ZFAT: variants seen among roughly 807,000 people sequenced by gnomAD.
ZFAT encodes zinc finger and AT-hook domain containing.
A neutral mutation model predicts 117.7 loss-of-function variants in ZFAT; 64 were observed. That is an observed-to-expected ratio of 0.54 (90% CI 0.44 to 0.67). ZFAT has a LOEUF of 0.67. Ranked by LOEUF, ZFAT falls within the 30% of genes least tolerant of loss-of-function variation. The probability of loss-of-function intolerance (pLI) is 0.00; values close to 1 mark genes in which losing one functional copy is unlikely to be tolerated. For missense variants in ZFAT, 1,433 were observed against 1,584.5 expected, an observed-to-expected ratio of 0.90 and a Z score of 1.62; for synonymous variants, 679 against 615.0, an observed-to-expected ratio of 1.10 and a Z score of -1.54.
intron 3 of ZFAT, among the ~76,000 whole-genome samples, chr8:134,626,386 T>C (rs772777186): frequency 1.3e-4 from 20 of 152,240 alleles, no homozygotes; most frequent in Non-Finnish European, 2.4e-4. Flanking sequence ...AGGTACTCTC[T>C]AGCTGGGCTT....
At chr8:134,826,630 C>T in the ZFAT span, among the ~76,000 whole-genome samples, 3 of 152,066 alleles carry the variant, frequency 2.0e-5, no homozygotes, top group Non-Finnish European at 4.4e-5. Flanking sequence ...TTTAACAATA[C>T]AGCAAATAAA....
intron 3 of ZFAT, among the ~76,000 whole-genome samples, chr8:134,630,389 A>G (rs1545240): frequency 6.6e-6 from 1 of 152,144 alleles, no homozygotes; most frequent in East Asian, 1.9e-4. Context: ...TCACTCAAAA[A>G]CATTTTCAGT....
intron 15 of ZFAT, among the ~76,000 whole-genome samples, chr8:134,494,962 A>G (rs756327069): frequency 6.6e-6 from 1 of 152,166 alleles, no homozygotes; most frequent in East Asian, 1.9e-4. Flanking sequence ...TCAAATCCAC[A>G]TGACCCACGT....
chr8:134,634,741 C>T (rs569418266), intron 3 of ZFAT, among the ~76,000 whole-genome samples: 4 of 152,250 alleles, frequency 2.6e-5, no homozygotes, highest in South Asian at 2.1e-4. Flanking sequence ...CAGAGCCACA[C>T]GGAAAGATGG....
At chr8:134,632,945 A>T (rs1239522412) in intron 3 of ZFAT, among the ~76,000 whole-genome samples, 1 of 152,206 alleles carries the variant, frequency 6.6e-6, no homozygotes, top group Non-Finnish European at 1.5e-5. Context: ...CACAAAAGAG[A>T]CTGGCAAGGA....
At chr8:134,708,285 A>G (rs1813860675) in intron 1 of ZFAT, among the ~76,000 whole-genome samples, 1 of 152,222 alleles carries the variant, frequency 6.6e-6, no homozygotes, top group African/African-American at 2.4e-5. Context: ...TGAATACAGT[A>G]ATAACGTACA....
At chr8:134,755,409 CAA>C in the ZFAT span, among the ~76,000 whole-genome samples, 42 of 55,252 alleles carry the variant, frequency 7.6e-4, no homozygotes, top group Admixed American at 7.8e-4. Flanking sequence ...GACTCTGTCT[CAA>C]AAAAAAAAAA....
At chr8:134,662,254 A>G (rs1831970709) in intron 1 of ZFAT, among the ~76,000 whole-genome samples, 1 of 152,126 alleles carries the variant, frequency 6.6e-6, no homozygotes, top group Non-Finnish European at 1.5e-5. Flanking sequence ...ACCACCTCCC[A>G]AAGGTCCCAC....
chr8:134,506,942 A>T (rs1819461077), intron 15 of ZFAT, among the ~76,000 whole-genome samples: 1 of 152,248 alleles, frequency 6.6e-6, no homozygotes, highest in East Asian at 1.9e-4. Context: ...CTCTCCGGCA[A>T]TACTGATTTG....
chr8:134,825,555 T>G, the ZFAT span, among the ~76,000 whole-genome samples: 1 of 152,192 alleles, frequency 6.6e-6, no homozygotes, highest in Non-Finnish European at 1.5e-5. Flanking sequence ...ACAACAACCC[T>G]GGAGCACTCT....
At chr8:134,775,081 G>A in the ZFAT span, among the ~76,000 whole-genome samples, 5 of 152,154 alleles carry the variant, frequency 3.3e-5, no homozygotes, top group Admixed American at 6.5e-5. Context: ...TCGTGCCACC[G>A]CACTCCAGCC....
intron 1 of ZFAT, chr8:134,696,678 T>A: frequency 1.1e-6 from 1 of 925,228 alleles, no homozygotes; most frequent in Non-Finnish European, 1.3e-6. Flanking sequence ...GAGGCTCTGA[T>A]TGGCCCAGAA....
At chr8:134,759,453 G>T in the ZFAT span, among the ~76,000 whole-genome samples, 2 of 152,030 alleles carry the variant, frequency 1.3e-5, no homozygotes, top group Admixed American at 1.3e-4. Context: ...CTATTATCTG[G>T]GACATCAAAA....
Position 134,601,506 on chromosome 8 carries a change from A to T in ZFAT, c.2213T>A (p.Val738Asp), listed in dbSNP as rs370558832. Residue 738 changes from valine to aspartate, a missense_variant, in exon 6 of 16, where the codon GTT becomes GAT. Val to Asp is a radical substitution (Grantham distance 152). Transcript: ENST00000377838. ...GTATTCACACTCCAGGTCTCCATAA[A>T]CCTTCCGGATCCGCTCACACAAGCT... Reference protein sequence around the residue: ...NTSLCERIRKVYGDLECEYCG... With the variant: ...NTSLCERIRKDYGDLECEYCG... 3 of 1,613,510 alleles carry T rather than the reference A, an allele frequency of 1.9e-6. No homozygotes were observed. The highest frequency in any genetic ancestry group is 2.5e-6 in the Non-Finnish European group (3 of 1,179,736).
chr8:134,514,937 C>A (rs937711431), intron 13 of ZFAT, among the ~76,000 whole-genome samples: 3 of 152,184 alleles, frequency 2.0e-5, no homozygotes, highest in Non-Finnish European at 2.9e-5. Context: ...TTAGGTATTT[C>A]TCCTAATGCT....
intron 5 of ZFAT, 114 bp from the exon 6 acceptor site, chr8:134,603,047 G>C: frequency 7.1e-7 from 1 of 1,402,810 alleles, no homozygotes; most frequent in Non-Finnish European, 9.7e-7. Context: ...AAACTGGACA[G>C]ACGCTGGATG....
chr8:134,563,746 GC>G (rs1160911199), intron 11 of ZFAT, among the ~76,000 whole-genome samples: 5 of 152,166 alleles, frequency 3.3e-5, no homozygotes, highest in African/African-American at 9.7e-5. Context: ...CTGGTACAGT[GC>G]CTGCACGCAA....
At chr8:134,778,640 T>G in the ZFAT span, among the ~76,000 whole-genome samples, 1 of 152,138 alleles carries the variant, frequency 6.6e-6, no homozygotes, top group Admixed American at 6.5e-5. Context: ...ATAAATTACC[T>G]ATTACAGTGT....
At chr8:134,579,642 G>A (rs539022248) in intron 10 of ZFAT, among the ~76,000 whole-genome samples, 11 of 152,262 alleles carry the variant, frequency 7.2e-5, no homozygotes, top group Admixed American at 3.9e-4. Context: ...ATAAGACTGC[G>A]GGGATCACCT....
Sources: allele counts gnomAD v4.1 joint callset (sites outside exome capture counted in the v4.1 genomes callset), GRCh38; gene constraint gnomAD v4.1.1; transcripts MANE v1.5; gene names NCBI Gene and HGNC (gene_info 2026-07-23, HGNC 2026-07-21).